SAXO4: variants seen among roughly 807,000 people sequenced by gnomAD.
SAXO4 encodes stabilizer of axonemal microtubules 4, also known as protein phosphatase 1 regulatory subunit 32.
the SAXO4 span, chr11:61,490,867 T>C: frequency 4.2e-6 from 2 of 475,300 alleles, no homozygotes. Flanking sequence ...CCCCACTCCA[T>C]CCCCCAGGGG....
the SAXO4 span, chr11:61,486,540 C>CAGGGAGA: frequency 6.2e-7 from 1 of 1,614,166 alleles, no homozygotes; most frequent in Non-Finnish European, 8.5e-7. Context: ...GAGTTCCTAC[C>CAGGGAGA]TGTGTTGGCC....
the SAXO4 span, chr11:61,486,651 AGGGAGGTTTCT>A: frequency 1.3e-6 from 2 of 1,581,114 alleles, no homozygotes; most frequent in African/African-American, 2.7e-5. Context: ...GGGAGAAGAC[AGGGAGGTTTCT>A]GGGAAGAGGT....
the SAXO4 span, chr11:61,488,931 G>C: frequency 6.6e-6 from 1 of 152,360 alleles, no homozygotes; most frequent in East Asian, 1.9e-4. Flanking sequence ...CAGTGCGCAC[G>C]GGTCGGATTT....
the SAXO4 span, among the ~76,000 whole-genome samples, chr11:61,487,511 C>G: frequency 1.3e-5 from 2 of 152,164 alleles, no homozygotes; most frequent in Non-Finnish European, 2.9e-5. Context: ...CTCTAGAAAA[C>G]AGTGTAAAGC....
At chr11:61,481,700 G>T in the SAXO4 span, 3 of 564,920 alleles carry the variant, frequency 5.3e-6, no homozygotes, top group Non-Finnish European at 6.0e-6. Context: ...CTGCGTTGTG[G>T]GTGGTGGGGG....
the SAXO4 span, chr11:61,482,360 C>T: frequency 6.2e-7 from 1 of 1,614,156 alleles, no homozygotes; most frequent in South Asian, 1.1e-5. Flanking sequence ...GCACCGGCTA[C>T]AAATCAAATT....
chr11:61,486,402 A>G, the SAXO4 span: 5 of 1,613,904 alleles, frequency 3.1e-6, no homozygotes, highest in African/African-American at 5.3e-5. Flanking sequence ...ACTCACCTAC[A>G]TGTAAGCTGA....
At chr11:61,484,144 G>A in the SAXO4 span, among the ~76,000 whole-genome samples, 9 of 152,234 alleles carry the variant, frequency 5.9e-5, no homozygotes, top group Admixed American at 1.3e-4. Context: ...TTGGGAGGCT[G>A]AGGCACAAGA....
the SAXO4 span, chr11:61,482,401 TG>T: frequency 6.2e-7 from 1 of 1,614,180 alleles, no homozygotes; most frequent in Admixed American, 1.7e-5. Flanking sequence ...CAAGCCAGTC[TG>T]GAGGCCTTAG....
the SAXO4 span, among the ~76,000 whole-genome samples, chr11:61,483,402 G>A: frequency 6.6e-6 from 1 of 151,658 alleles, no homozygotes; most frequent in Non-Finnish European, 1.5e-5. Flanking sequence ...TCCTGACCTC[G>A]TGATCTGCCC....
At chr11:61,487,047 A>G in the SAXO4 span, 2 of 1,613,926 alleles carry the variant, frequency 1.2e-6, no homozygotes, top group Non-Finnish European at 1.7e-6. Flanking sequence ...TGGCCGGGAG[A>G]CTGTGGGGAA....
chr11:61,481,411 A>G, the SAXO4 span, among the ~76,000 whole-genome samples: 1 of 152,128 alleles, frequency 6.6e-6, no homozygotes, highest in Non-Finnish European at 1.5e-5. Context: ...CGGCTCATTC[A>G]TTCCGAGAGG....
chr11:61,485,127 TG>T, the SAXO4 span, among the ~76,000 whole-genome samples: 1 of 152,104 alleles, frequency 6.6e-6, no homozygotes, highest in Non-Finnish European at 1.5e-5. Context: ...GGGTGTGACG[TG>T]GTATTCATAG....
chr11:61,481,138 C>T, the SAXO4 span: 1 of 152,240 alleles, frequency 6.6e-6, no homozygotes, highest in African/African-American at 2.4e-5. Context: ...TGCTTGGCCT[C>T]CTCCAGGAGG....
At chr11:61,485,393 A>G in the SAXO4 span, 1 of 1,613,764 alleles carries the variant, frequency 6.2e-7, no homozygotes, top group Non-Finnish European at 8.5e-7. Context: ...GACCCTCTAG[A>G]CCAGCCAGGT....
At chr11:61,490,707 G>A in the SAXO4 span, 2 of 830,508 alleles carry the variant, frequency 2.4e-6, no homozygotes, top group South Asian at 2.9e-5. Context: ...TTCCAAGTGG[G>A]GGGTGACAGA....
At chr11:61,485,204 G>A in the SAXO4 span, 1 of 705,512 alleles carries the variant, frequency 1.4e-6, no homozygotes, top group Non-Finnish European at 2.4e-6. Context: ...ACAGAGACTT[G>A]TGTCCAGGGT....
chr11:61,485,194 A>G, the SAXO4 span: 3 of 676,810 alleles, frequency 4.4e-6, no homozygotes, highest in East Asian at 8.1e-5. Flanking sequence ...GTCCCACCCC[A>G]CAGAGACTTG....
chr11:61,488,463 C>T, the SAXO4 span, among the ~76,000 whole-genome samples: 1 of 152,048 alleles, frequency 6.6e-6, no homozygotes, highest in African/African-American at 2.4e-5. Flanking sequence ...TGCCACCACG[C>T]CCGGCTACAT....
Sources: allele counts gnomAD v4.1 joint callset (sites outside exome capture counted in the v4.1 genomes callset), GRCh38; gene constraint gnomAD v4.1.1; transcripts MANE v1.5; gene names NCBI Gene and HGNC (gene_info 2026-07-23, HGNC 2026-07-21).